The following MTUS2 variants were observed in gnomAD, a reference collection of about 807,000 sequenced individuals.
The protein encoded by MTUS2 is microtubule associated scaffold protein 2, also known as microtubule-associated tumor suppressor candidate 2.
In MTUS2, 40 loss-of-function variants were observed where a neutral mutation model predicts 114.1. The observed-to-expected ratio is 0.35, with a 90% CI of 0.27 to 0.46. The LOEUF is 0.46. MTUS2 is among the 20% of genes least tolerant of loss of function. The probability of loss-of-function intolerance (pLI) is 1.00; values close to 1 mark genes in which losing one functional copy is unlikely to be tolerated. For missense variants in MTUS2, 1,679 were observed against 1,705.4 expected (o/e 0.98, Z 0.27); for synonymous variants, 688 against 672.0 (o/e 1.02, Z -0.37).
rs573085344 is a variant in MTUS2, at chr13:29,375,561, AT to A, written c.3117+16089del. 5.9e-4 allele frequency among the ~76,000 whole-genome samples: 3 copies of A among 5,078 alleles called. No homozygotes were observed. The East Asian group carries it at 0.024, about 41-fold the overall frequency. The allele number at this position is 5,078 out of a possible 152,430, so 3.3% of individuals were successfully genotyped here. A position where few individuals can be genotyped will look rare whatever the true frequency, so the allele number is the denominator to read the frequency against. ...TACGTGTATATATATATATATACGT[AT>A]ATATATATATACATATATATATATA... On this transcript the variant is annotated intron_variant, in intron 8 of 15. Coordinates refer to ENST00000612955, the MANE Select transcript of MTUS2 (RefSeq NM_001033602.4).
intron 8 of MTUS2, among the ~76,000 whole-genome samples, chr13:29,406,838 CTT>C (rs1302142591): frequency 1.3e-5 from 2 of 152,214 alleles, no homozygotes; most frequent in Non-Finnish European, 2.9e-5. Context: ...TACATACAAA[CTT>C]ATATCTTTGA....
intron 2 of MTUS2, among the ~76,000 whole-genome samples, chr13:28,952,069 A>G (rs1380812431): frequency 6.6e-6 from 1 of 152,190 alleles, no homozygotes; most frequent in Non-Finnish European, 1.5e-5. Context: ...TTCATGATGC[A>G]TATTTTATTT....
At chr13:28,867,081 C>T (rs1877342786) in intron 2 of MTUS2, among the ~76,000 whole-genome samples, 1 of 152,142 alleles carries the variant, frequency 6.6e-6, no homozygotes, top group African/African-American at 2.4e-5. Context: ...CCCTATTTCA[C>T]TGGCAGTTGG....
At chr13:29,188,941 A>G (rs892821104) in intron 5 of MTUS2, among the ~76,000 whole-genome samples, 1 of 152,124 alleles carries the variant, frequency 6.6e-6, no homozygotes, top group African/African-American at 2.4e-5. Context: ...TAAATTCTTC[A>G]GACCCCCTAC....
intron 8 of MTUS2, 115 bp downstream of exon 8, chr13:29,359,588 G>A: frequency 8.3e-7 from 1 of 1,206,664 alleles, no homozygotes; most frequent in South Asian, 1.5e-5. Flanking sequence ...TCAGAGTGGA[G>A]TTTGGATTTT....
intron 8 of MTUS2, among the ~76,000 whole-genome samples, chr13:29,364,051 A>G (rs1870498064): frequency 6.6e-6 from 1 of 152,178 alleles, no homozygotes; most frequent in Non-Finnish European, 1.5e-5. Context: ...ATGTTTTTCC[A>G]CTATATTATG....
intron 5 of MTUS2, among the ~76,000 whole-genome samples, chr13:29,232,318 A>G (rs1267622960): frequency 2.0e-5 from 2 of 98,994 alleles, no homozygotes; most frequent in African/African-American, 6.7e-5. Context: ...ACACACACAC[A>G]CACACGCACA....
intron 5 of MTUS2, among the ~76,000 whole-genome samples, chr13:29,230,409 C>T (rs927198028): frequency 1.3e-5 from 2 of 152,206 alleles, no homozygotes; most frequent in South Asian, 4.1e-4. Flanking sequence ...CTTCGGTATT[C>T]TGTGCTCCAA....
At chr13:29,450,276 AT>A (rs1878594773) in intron 9 of MTUS2, among the ~76,000 whole-genome samples, 1 of 152,114 alleles carries the variant, frequency 6.6e-6, no homozygotes, top group African/African-American at 2.4e-5. Context: ...TTGCCCAGAT[AT>A]TATTTTATTA....
At chr13:29,169,800 G>A (rs898541269) in intron 5 of MTUS2, among the ~76,000 whole-genome samples, 17 of 152,072 alleles carry the variant, frequency 1.1e-4, no homozygotes, top group Admixed American at 2.6e-4. Context: ...CATAAGGGCC[G>A]TGCAGCCACA....
chr13:29,292,747 A>G (rs1433401969), intron 6 of MTUS2, among the ~76,000 whole-genome samples: 1 of 152,010 alleles, frequency 6.6e-6, no homozygotes, highest in Admixed American at 6.6e-5. Flanking sequence ...ATTTCGGAAA[A>G]GATCCAGTGT....
In MTUS2 at chr13:29,503,268, C is replaced by T; in HGVS notation, c.*62C>T. On this transcript the variant is annotated 3_prime_UTR_variant, in exon 16 of 16. Coordinates refer to ENST00000612955, the MANE Select transcript of MTUS2 (RefSeq NM_001033602.4). ...TCCTCCGGTCTCCACCCTGAGGGAG[C>T]ACCGACCCGGTGCCGCCGGAGCTGG... 5.7e-6 allele frequency: 9 copies of T among 1,577,560 alleles called. No individual in the cohort carries two copies. The South Asian group carries it at 6.7e-5, about 12-fold the overall frequency.
chr13:29,488,865 A>C (rs1321559836), intron 11 of MTUS2, among the ~76,000 whole-genome samples: 1 of 152,228 alleles, frequency 6.6e-6, no homozygotes, highest in Admixed American at 6.5e-5. Context: ...ACTAAGTTCC[A>C]GTGAGATTTT....
At chr13:29,488,137 C>T (rs990791242) in intron 11 of MTUS2, 132 bp downstream of exon 11, 1 of 672,828 alleles carries the variant, frequency 1.5e-6, no homozygotes, top group East Asian at 2.7e-5. Context: ...TGCATTTTTT[C>T]CTGTTGGCTC....
chr13:29,085,454 T>A (rs1889649117), intron 4 of MTUS2, among the ~76,000 whole-genome samples: 2 of 152,298 alleles, frequency 1.3e-5, no homozygotes, highest in Non-Finnish European at 2.9e-5. Flanking sequence ...CCTGCTTAAG[T>A]AGACCCCACT....
At chr13:29,147,738 C>T (rs1053784071) in intron 5 of MTUS2, among the ~76,000 whole-genome samples, 1 of 152,146 alleles carries the variant, frequency 6.6e-6, no homozygotes, top group African/African-American at 2.4e-5. Context: ...TGGCCTCCTG[C>T]TGCCTCCATG....
intron 2 of MTUS2, among the ~76,000 whole-genome samples, chr13:28,903,832 G>A (rs370315982): frequency 0.057 from 8,717 of 151,652 alleles, 338 homozygotes; most frequent in Middle Eastern, 0.13. Flanking sequence ...CTGAGGAATC[G>A]CCACACTGAC....
chr13:29,207,602 A>G (rs995851969), intron 5 of MTUS2, among the ~76,000 whole-genome samples: 1 of 152,082 alleles, frequency 6.6e-6, no homozygotes, highest in African/African-American at 2.4e-5. Flanking sequence ...TATCCTTTCT[A>G]TGCTAATTTT....
chr13:29,123,658 A>G (rs1474866190), intron 5 of MTUS2, among the ~76,000 whole-genome samples: 3 of 152,134 alleles, frequency 2.0e-5, no homozygotes, highest in East Asian at 3.9e-4. Context: ...GGAGGAGCCA[A>G]GATCATGCCA....
Sources: gnomAD v4.1 joint callset for allele counts (sites outside exome capture counted in the v4.1 genomes callset) on GRCh38, gnomAD v4.1.1 for gene constraint, MANE v1.5 for transcripts, NCBI Gene and HGNC (gene_info 2026-07-23, HGNC 2026-07-21) for gene names.